GRID1: variants seen among roughly 807,000 people sequenced by gnomAD.
GRID1 encodes glutamate receptor ionotropic, delta-1.
In GRID1, 28 loss-of-function variants were observed where a neutral mutation model predicts 98.0. That is an observed-to-expected ratio of 0.29 (90% confidence interval 0.21 to 0.39). The LOEUF (loss-of-function observed/expected upper bound fraction) is 0.39. Among genes scored for constraint, GRID1 ranks in the 10% least tolerant of loss-of-function variants. The pLI is 1.00. For synonymous variants in GRID1, 553 were observed against 538.5 expected (o/e 1.03, Z -0.37); for missense variants, 1,111 against 1,340.5 (o/e 0.83, Z 2.67).
Position 85,856,328 on chromosome 10 carries a change from T to G in GRID1, c.952-138A>C, listed in dbSNP as rs538675644. The G allele has an allele frequency of 1.0e-3, 750 of 751,308 alleles. 5 individuals are homozygous for G. The highest frequency in any genetic ancestry group is 3.6e-3 in the Admixed American group (135 of 37,216). The allele number at this position is 751,308 out of a possible 1,614,324, so 46.5% of individuals were successfully genotyped here. ...CAGTATCTATGCCAAGATCCTCGGC[T>G]TTTAGGTGTACTTTCAAAAACCCAG... On this transcript the variant is annotated intron_variant, in intron 6 of 15. Transcript: ENST00000327946.
chr10:86,059,461 C>T (rs1326047289), intron 4 of GRID1, among the ~76,000 whole-genome samples: 2 of 152,238 alleles, frequency 1.3e-5, no homozygotes, highest in African/African-American at 2.4e-5. Context: ...CAACAATTAC[C>T]TGTGGAGCCA....
chr10:86,024,545 G>A (rs1843091456), intron 4 of GRID1, among the ~76,000 whole-genome samples: 1 of 152,228 alleles, frequency 6.6e-6, no homozygotes. Context: ...CAAAGTCACT[G>A]CGAGGAGCCT....
intron 4 of GRID1, among the ~76,000 whole-genome samples, chr10:85,976,279 G>A (rs1261790101): frequency 6.6e-6 from 1 of 152,164 alleles, no homozygotes; most frequent in Non-Finnish European, 1.5e-5. Context: ...GCTGTGTTCT[G>A]CTGAGCACTT....
intron 8 of GRID1, among the ~76,000 whole-genome samples, chr10:85,782,445 C>G (rs1842389804): frequency 6.6e-6 from 1 of 151,982 alleles, no homozygotes; most frequent in South Asian, 2.1e-4. Flanking sequence ...ACCTTGGGGA[C>G]CCAGCAATTA....
chr10:86,305,846 T>C (rs1847752478), intron 2 of GRID1, among the ~76,000 whole-genome samples: 1 of 152,198 alleles, frequency 6.6e-6, no homozygotes, highest in Non-Finnish European at 1.5e-5. Context: ...TTCACAAAAA[T>C]TCTATAACAT....
intron 2 of GRID1, among the ~76,000 whole-genome samples, chr10:86,304,949 T>C (rs1332091683): frequency 6.6e-6 from 1 of 152,058 alleles, no homozygotes; most frequent in Non-Finnish European, 1.5e-5. Flanking sequence ...CATGGGCCAA[T>C]TTTTCTAGGC....
chr10:86,058,283 T>C (rs1014265355), intron 4 of GRID1, among the ~76,000 whole-genome samples: 2 of 152,192 alleles, frequency 1.3e-5, no homozygotes, highest in Non-Finnish European at 2.9e-5. Flanking sequence ...AGCTCATTTC[T>C]GTGTGACCTT....
Position 85,601,067 on chromosome 10 carries a change from T to C in GRID1, c.*1206A>G, listed in dbSNP as rs1842567390. 6.6e-6 allele frequency: 1 copy of C among 152,256 alleles called. No individual in the cohort carries two copies. The allele number at this position is 152,256 out of a possible 1,614,324, so 9.4% of individuals were successfully genotyped here. A position where few individuals can be genotyped will look rare whatever the true frequency, so the allele number is the denominator to read the frequency against. ...GGCTACAAGCAACTTCCCTGGTGGA[T>C]GGGAGTTACACTTATGCTTCTCACC... On this transcript the variant is annotated 3_prime_UTR_variant, in exon 16 of 16. Transcript: ENST00000327946.
intron 10 of GRID1, among the ~76,000 whole-genome samples, chr10:85,725,154 T>G (rs977892368): frequency 6.6e-6 from 1 of 152,196 alleles, no homozygotes; most frequent in Admixed American, 6.5e-5. Flanking sequence ...TTGATCTTTC[T>G]CTTTTCTAAA....
chr10:85,630,743 T>C (rs1842966168), intron 13 of GRID1, among the ~76,000 whole-genome samples: 1 of 152,170 alleles, frequency 6.6e-6, no homozygotes, highest in Non-Finnish European at 1.5e-5. Flanking sequence ...ATGTAAATTA[T>C]CAGGTCCCAT....
chr10:86,169,818 T>G (rs1845456020), intron 3 of GRID1, among the ~76,000 whole-genome samples: 2 of 152,228 alleles, frequency 1.3e-5, no homozygotes, highest in African/African-American at 4.8e-5. Context: ...TGTCCCATCC[T>G]GGGAGATTTA....
chr10:86,010,520 T>C (rs1842911796), intron 4 of GRID1, among the ~76,000 whole-genome samples: 1 of 152,054 alleles, frequency 6.6e-6, no homozygotes, highest in South Asian at 2.1e-4. Flanking sequence ...TTTCTGAATA[T>C]GGAAAGGAAG....
intron 4 of GRID1, among the ~76,000 whole-genome samples, chr10:86,087,729 C>G (rs1844084757): frequency 1.3e-5 from 2 of 152,106 alleles, no homozygotes; most frequent in Non-Finnish European, 2.9e-5. Context: ...ATGTGCAGCC[C>G]AGCACAGATA....
intron 2 of GRID1, among the ~76,000 whole-genome samples, chr10:86,233,276 T>C (rs528854415): frequency 1.6e-4 from 24 of 152,082 alleles, no homozygotes; most frequent in African/African-American, 5.3e-4. Context: ...CTAGCACTCA[T>C]ATTAATTCCC....
chr10:86,230,368 G>A (rs1193726281), intron 2 of GRID1, among the ~76,000 whole-genome samples: 2 of 152,168 alleles, frequency 1.3e-5, no homozygotes, highest in Non-Finnish European at 2.9e-5. Context: ...AGTCTCCAGT[G>A]GGGACAACAC....
intron 3 of GRID1, among the ~76,000 whole-genome samples, chr10:86,159,307 CA>C (rs1327730334): frequency 6.6e-6 from 1 of 152,168 alleles, no homozygotes; most frequent in Admixed American, 6.5e-5. Flanking sequence ...TTTCAGTTAA[CA>C]ATGAACGTGG....
intron 13 of GRID1, among the ~76,000 whole-genome samples, chr10:85,632,509 C>T (rs1467720097): frequency 1.3e-5 from 2 of 152,156 alleles, no homozygotes; most frequent in Non-Finnish European, 2.9e-5. Flanking sequence ...CCACATGATG[C>T]TGGCGGTGTT....
intron 2 of GRID1, among the ~76,000 whole-genome samples, chr10:86,300,716 A>G (rs1207845720): frequency 6.6e-6 from 1 of 152,092 alleles, no homozygotes; most frequent in African/African-American, 2.4e-5. Context: ...TGGTAACTGG[A>G]GCAGGAGGAA....
At chr10:86,244,380 G>T (rs1396085219) in intron 2 of GRID1, among the ~76,000 whole-genome samples, 1 of 152,180 alleles carries the variant, frequency 6.6e-6, no homozygotes, top group Non-Finnish European at 1.5e-5. Context: ...CCAGGCAGGC[G>T]CCAGAACAGG....
Sources: allele counts gnomAD v4.1 joint callset (sites outside exome capture counted in the v4.1 genomes callset), GRCh38; gene constraint gnomAD v4.1.1; transcripts MANE v1.5; gene names NCBI Gene and HGNC (gene_info 2026-07-23, HGNC 2026-07-21).